Variants in BCL9 observed in about 807,000 individuals in gnomAD.
BCL9 encodes the protein BCL9 transcription coactivator.
Under a neutral mutation model 88.5 loss-of-function variants are expected in BCL9, and 25 were observed. The ratio of observed to expected loss-of-function variants is 0.28; its 90% confidence interval spans 0.21 to 0.39. BCL9 has a LOEUF of 0.39. Ranked by LOEUF, BCL9 falls within the 10% of genes least tolerant of loss-of-function variation. BCL9 has a pLI of 1.00. For synonymous variants in BCL9, 711 were observed against 673.3 expected, an observed-to-expected ratio of 1.06 and a Z score of -0.87; for missense variants, 1,817 against 1,877.8, an observed-to-expected ratio of 0.97 and a Z score of 0.60.
intron 1 of BCL9, among the ~76,000 whole-genome samples, chr1:147,557,546 G>C (rs1553195587): frequency 6.6e-6 from 1 of 152,150 alleles, no homozygotes; most frequent in Non-Finnish European, 1.5e-5. Context: ...TGATCGCAGG[G>C]ATATCCTCCT....
intron 1 of BCL9, among the ~76,000 whole-genome samples, chr1:147,579,822 C>T (rs1656282067): frequency 6.6e-6 from 1 of 152,202 alleles, no homozygotes; most frequent in African/African-American, 2.4e-5. Context: ...CAAATATTAA[C>T]TCGAACCACA....
Position 147,620,409 on chromosome 1 carries a change from C to A in BCL9, c.2254C>A (p.Pro752Thr), listed in dbSNP as rs782623491. The A allele has an allele frequency of 5.6e-6, 9 of 1,614,036 alleles. No individual in the cohort carries two copies. In the East Asian group the frequency reaches 2.0e-4, roughly 36 times the overall value. Residue 752 changes from proline to threonine, a missense_variant, in exon 8 of 10, where the codon CCA becomes ACA. By Grantham distance (38) the Pro-to-Thr change is conservative (BLOSUM62 -1). Around this residue, in one of 2 missense-constraint regions of BCL9, gnomAD observed 1,228 missense variants for 1,191.6 expected, o/e 1.03. Transcript: ENST00000234739. ...CCCTGAGGAGATGCTGAAATTACGC[C>A]CAGGTGGCTCAGACATGCTGCCTGC... ...AGPEEMLKLRPGGSDMLPAQQ... is the reference protein window; with the variant it reads ...AGPEEMLKLRTGGSDMLPAQQ...
chr1:147,546,304 C>T (rs1161690589), intron 1 of BCL9, among the ~76,000 whole-genome samples: 5 of 151,588 alleles, frequency 3.3e-5, no homozygotes, highest in African/African-American at 7.3e-5. Flanking sequence ...CGCCACTGTA[C>T]TCCAGCCTGG....
chr1:147,552,350 G>C (rs981604312), intron 1 of BCL9, among the ~76,000 whole-genome samples: 2 of 152,186 alleles, frequency 1.3e-5, no homozygotes, highest in East Asian at 3.9e-4. Flanking sequence ...GCTCACACCT[G>C]TAATCTTAGC....
intron 1 of BCL9, among the ~76,000 whole-genome samples, chr1:147,604,456 T>C (rs1223838945): frequency 6.6e-6 from 1 of 152,344 alleles, no homozygotes; most frequent in Admixed American, 6.5e-5. Context: ...GATGACTGTT[T>C]TTGATGGTGG....
intron 1 of BCL9, among the ~76,000 whole-genome samples, chr1:147,559,540 G>T (rs182557513): frequency 6.6e-5 from 10 of 152,312 alleles, no homozygotes; most frequent in African/African-American, 2.4e-4. Flanking sequence ...TTTGTTAAAA[G>T]AAGAACCAGG....
chr1:147,604,494 A>AGGATTTTGTATCTGGT (rs1553201698), intron 1 of BCL9, among the ~76,000 whole-genome samples: 2 of 152,216 alleles, frequency 1.3e-5, no homozygotes, highest in Admixed American at 6.5e-5. Context: ...GATTAAAATG[A>AGGATTTTGTATCTGGT]GGCTTTTGTA....
rs1395991683 is a variant in BCL9, at chr1:147,625,804, C to T, written c.*845C>T. The T allele has an allele frequency of 1.3e-5, 3 of 232,814 alleles. No individual in the cohort carries two copies. Among genetic ancestry groups the T allele is most frequent in the Non-Finnish European group, 2.6e-5 (3 of 117,610 alleles). 14.4% of individuals were successfully genotyped at this position (232,814 alleles called of 1,614,324 possible). A position where few individuals can be genotyped will look rare whatever the true frequency, so the allele number is the denominator to read the frequency against. ...GACCCTCTGCTTCCCTCTCTCTTTC[C>T]CTTTGGCAGCTGCAATACACAGTGT... On this transcript the variant is annotated 3_prime_UTR_variant, in exon 10 of 10. Transcript: ENST00000234739.
chr1:147,572,264 A>AAAACAC (rs1169427790), intron 1 of BCL9, among the ~76,000 whole-genome samples: 6 of 151,908 alleles, frequency 3.9e-5, no homozygotes, highest in South Asian at 2.1e-4. Flanking sequence ...AACAAAAACA[A>AAAACAC]AAACAAAACA....
At chr1:147,544,576 G>A (rs1193973668) in intron 1 of BCL9, among the ~76,000 whole-genome samples, 4 of 152,138 alleles carry the variant, frequency 2.6e-5, no homozygotes, top group South Asian at 2.1e-4. Flanking sequence ...CTCTGATCTC[G>A]TTTTACTGAT....
chr1:147,558,652 G>A lies in BCL9; in HGVS notation c.-478+16978G>A, dbSNP rs151211168. Among the ~76,000 whole-genome samples the A allele has an allele frequency of 2.5e-3, 377 of 152,272 alleles. 2 individuals are homozygous for A. Among genetic ancestry groups the A allele is most frequent in the African/African-American group, 8.7e-3 (362 of 41,558 alleles). On this transcript the variant is annotated intron_variant, in intron 1 of 9. Coordinates refer to ENST00000234739, the MANE Select transcript of BCL9 (RefSeq NM_004326.4). ...ATCTTACCATGACATGGCCCTTCCT[G>A]TATTTGAAAACAGGTGTGAGCGTCC...
At position 147,619,762 on chromosome 1, in the gene BCL9, A is replaced by G; in HGVS notation, c.1607A>G (p.Asp536Gly). The change falls in exon 8 of 10, where the codon GAT becomes GGT. Residue 536 changes from aspartate to glycine, a missense_variant. By Grantham distance (94) the Asp-to-Gly change is moderately conservative. Around this residue, in one of 2 missense-constraint regions of BCL9, gnomAD observed 1,228 missense variants for 1,191.6 expected, o/e 1.03. Coordinates refer to ENST00000234739, the MANE Select transcript of BCL9 (RefSeq NM_004326.4). This position sits in a 1 kb window ranked among gnomAD's most constrained non-coding sequence, Gnocchi z 4.1. ...WAPGGTEPFS[D>G]GINMPHSLPP... ...CCTGGGGGTACAGAGCCATTTTCTGATGGTATCAACATGCCACATTCTCTG... is the reference window on the plus strand; with the variant it reads ...CCTGGGGGTACAGAGCCATTTTCTGGTGGTATCAACATGCCACATTCTCTG... 1 of 1,613,876 alleles carries G rather than the reference A, an allele frequency of 6.2e-7. No individual in the cohort carries two copies. The highest frequency in any genetic ancestry group is 8.5e-7 in the Non-Finnish European group (1 of 1,179,964).
At chr1:147,576,143 C>T (rs1356068013) in intron 1 of BCL9, among the ~76,000 whole-genome samples, 2 of 152,066 alleles carry the variant, frequency 1.3e-5, no homozygotes, top group Non-Finnish European at 2.9e-5. Context: ...TTGGTCACTG[C>T]TGAAATATAT....
At chr1:147,555,054 A>AT (rs1179205578) in intron 1 of BCL9, among the ~76,000 whole-genome samples, 3 of 152,152 alleles carry the variant, frequency 2.0e-5, no homozygotes, top group Non-Finnish European at 4.4e-5. Flanking sequence ...TTTTGCACTC[A>AT]TTTTTATTAA....
chr1:147,544,331 C>T (rs1312951089), intron 1 of BCL9, among the ~76,000 whole-genome samples: 7 of 152,166 alleles, frequency 4.6e-5, no homozygotes, highest in African/African-American at 1.7e-4. Flanking sequence ...TTGCCCCAGC[C>T]AACCTCCATT....
chr1:147,599,523 G>C (rs1025854156), intron 1 of BCL9, among the ~76,000 whole-genome samples: 1 of 151,638 alleles, frequency 6.6e-6, no homozygotes, highest in Non-Finnish European at 1.5e-5. Flanking sequence ...AGGACTGCGC[G>C]AGGCGGCGGG....
chr1:147,610,678 C>G (rs981089183), intron 3 of BCL9, among the ~76,000 whole-genome samples: 8 of 152,236 alleles, frequency 5.3e-5, no homozygotes, highest in Admixed American at 2.6e-4. Context: ...TACAAGAAAA[C>G]CATAATGGAA....
intron 1 of BCL9, among the ~76,000 whole-genome samples, chr1:147,548,887 G>A (rs1362305571): frequency 6.6e-6 from 1 of 151,496 alleles, no homozygotes; most frequent in Admixed American, 6.6e-5. Context: ...TTTCTCATAG[G>A]GTATCCGTTT....
At chr1:147,618,027 C>G (rs1658377288) in intron 7 of BCL9, among the ~76,000 whole-genome samples, 1 of 152,264 alleles carries the variant, frequency 6.6e-6, no homozygotes, top group South Asian at 2.1e-4. Flanking sequence ...AATAATAAGG[C>G]AATCATCCAG....
Sources: gnomAD v4.1 joint callset for allele counts (sites outside exome capture counted in the v4.1 genomes callset) on GRCh38, gnomAD v4.1.1 for gene constraint, gnomAD v4.1.1 regional missense constraint, Gnocchi (gnomAD v3.1) non-coding constraint, MANE v1.5 for transcripts, NCBI Gene and HGNC (gene_info 2026-07-23, HGNC 2026-07-21) for gene names.